Variants in CNTNAP2 observed in about 807,000 individuals in gnomAD.
CNTNAP2 encodes contactin-associated protein-like 2.
Under a neutral mutation model 155.2 loss-of-function variants are expected in CNTNAP2, and 98 were observed. The ratio of observed to expected loss-of-function variants is 0.63; its 90% confidence interval spans 0.54 to 0.75. The LOEUF (loss-of-function observed/expected upper bound fraction) is 0.75, where lower values mean the gene tolerates loss of function less well. Among genes scored for constraint, CNTNAP2 ranks in the 30% least tolerant of loss-of-function variants. The probability of loss-of-function intolerance (pLI) is 0.00; values close to 1 mark genes in which losing one functional copy is unlikely to be tolerated. For synonymous variants in CNTNAP2, 651 were observed against 631.2 expected (o/e 1.03, Z -0.47); for missense variants, 1,727 against 1,688.1 (o/e 1.02, Z -0.40).
At chr7:147,195,907 G>A (rs975760494) in intron 8 of CNTNAP2, among the ~76,000 whole-genome samples, 1 of 152,116 alleles carries the variant, frequency 6.6e-6, no homozygotes, top group Non-Finnish European at 1.5e-5. Context: ...TTATATTAAA[G>A]GGAGCTTGGT....
intron 1 of CNTNAP2, among the ~76,000 whole-genome samples, chr7:146,525,467 A>G (rs1045980509): frequency 6.6e-6 from 1 of 152,150 alleles, no homozygotes; most frequent in African/African-American, 2.4e-5. Flanking sequence ...GTTTGACTAA[A>G]TAAATGTAAT....
intron 1 of CNTNAP2, among the ~76,000 whole-genome samples, chr7:146,659,569 C>T (rs1248211605): frequency 6.6e-6 from 1 of 152,104 alleles, no homozygotes; most frequent in Non-Finnish European, 1.5e-5. Context: ...TAGTTGGCAG[C>T]TAATGTTCCT....
chr7:146,207,637 G>GTTTTTT (rs57881187), intron 1 of CNTNAP2, among the ~76,000 whole-genome samples: 46 of 122,356 alleles, frequency 3.8e-4, no homozygotes, highest in African/African-American at 1.1e-3. Flanking sequence ...ACAGGACTGT[G>GTTTTTT]TTTTTTTTTT....
intron 13 of CNTNAP2, among the ~76,000 whole-genome samples, chr7:147,868,074 A>G (rs1474202914): frequency 6.9e-6 from 1 of 145,348 alleles, no homozygotes; most frequent in Non-Finnish European, 1.5e-5. Context: ...GTTTCTCCCC[A>G]TCTTTGTGGT....
At chr7:146,322,217 G>A (rs1563037657) in intron 1 of CNTNAP2, among the ~76,000 whole-genome samples, 2 of 152,124 alleles carry the variant, frequency 1.3e-5, no homozygotes, top group African/African-American at 4.8e-5. Flanking sequence ...ACATTTTAGA[G>A]CATGTCACTG....
chr7:146,791,129 C>G (rs1454423395), intron 2 of CNTNAP2, among the ~76,000 whole-genome samples: 1 of 151,814 alleles, frequency 6.6e-6, no homozygotes, highest in Non-Finnish European at 1.5e-5. Context: ...TCCGATGTTC[C>G]CCTCCCTGTG....
chr7:147,450,180 CT>C lies in CNTNAP2; in HGVS notation c.1671-35754del, dbSNP rs1484934024. Among the ~76,000 whole-genome samples, 12 of 152,266 alleles carry C rather than the reference CT, an allele frequency of 7.9e-5. No individual in the cohort carries two copies. The South Asian group carries it at 2.5e-3, about 32-fold the overall frequency. ...AAAAGCAAAGAACGTTTTTTTCCCA[CT>C]GGTGGAAGAAGAGAAAGTCATAGAG... is the stretch of plus-strand genomic sequence containing the variant. On this transcript the variant is annotated intron_variant, in intron 10 of 23. Transcript: ENST00000361727.
intron 1 of CNTNAP2, among the ~76,000 whole-genome samples, chr7:146,721,080 TATATACTG>T (rs1376554511): frequency 1.6e-5 from 2 of 121,798 alleles, no homozygotes; most frequent in Non-Finnish European, 3.2e-5. Context: ...ATACTCTATA[TATATACTG>T]TCTATATATA....
At chr7:147,328,318 T>A (rs951523625) in intron 9 of CNTNAP2, among the ~76,000 whole-genome samples, 1 of 152,168 alleles carries the variant, frequency 6.6e-6, no homozygotes, top group Non-Finnish European at 1.5e-5. Context: ...GATACAAATT[T>A]TAACAGTTAA....
At chr7:146,509,071 C>A (rs1008289098) in intron 1 of CNTNAP2, among the ~76,000 whole-genome samples, 3 of 152,204 alleles carry the variant, frequency 2.0e-5, no homozygotes, top group Non-Finnish European at 4.4e-5. Flanking sequence ...GTGCAGAGCA[C>A]AACACAAGGT....
chr7:147,636,710 T>C (rs1364012770), intron 12 of CNTNAP2, among the ~76,000 whole-genome samples: 1 of 152,194 alleles, frequency 6.6e-6, no homozygotes, highest in Non-Finnish European at 1.5e-5. Flanking sequence ...AATTCCTCTT[T>C]CTACTCAACT....
chr7:147,295,978 A>G (rs1405879631), intron 8 of CNTNAP2, among the ~76,000 whole-genome samples: 1 of 152,194 alleles, frequency 6.6e-6, no homozygotes, highest in African/African-American at 2.4e-5. Flanking sequence ...ATCTGATTAG[A>G]ATAATAGACC....
chr7:147,964,299 C>T (rs1382176330), intron 14 of CNTNAP2, among the ~76,000 whole-genome samples: 1 of 152,108 alleles, frequency 6.6e-6, no homozygotes, highest in Non-Finnish European at 1.5e-5. Flanking sequence ...CTAAGCCACC[C>T]GATCCATGGT....
chr7:146,462,506 G>A (rs1796651805), intron 1 of CNTNAP2, among the ~76,000 whole-genome samples: 1 of 152,006 alleles, frequency 6.6e-6, no homozygotes. Flanking sequence ...TTTCCTTTCC[G>A]AGCATCTCAG....
chr7:147,272,538 G>A (rs933736498), intron 8 of CNTNAP2, among the ~76,000 whole-genome samples: 3 of 151,834 alleles, frequency 2.0e-5, no homozygotes, highest in African/African-American at 4.8e-5. Flanking sequence ...CGGCTCTGTC[G>A]CCCAGGCTGG....
intron 1 of CNTNAP2, among the ~76,000 whole-genome samples, chr7:146,281,372 G>T (rs1009129000): frequency 2.6e-5 from 4 of 152,142 alleles, no homozygotes; most frequent in Non-Finnish European, 5.9e-5. Flanking sequence ...GGTAAAGAGG[G>T]TACTTTCCTG....
intron 1 of CNTNAP2, among the ~76,000 whole-genome samples, chr7:146,586,060 A>G (rs1440379766): frequency 6.6e-6 from 1 of 151,962 alleles, no homozygotes; most frequent in Non-Finnish European, 1.5e-5. Flanking sequence ...CAAAATTACA[A>G]GCTGTAATTT....
intron 10 of CNTNAP2, among the ~76,000 whole-genome samples, chr7:147,451,715 C>T (rs1012385449): frequency 6.6e-6 from 1 of 151,492 alleles, no homozygotes; most frequent in Non-Finnish European, 1.5e-5. Flanking sequence ...GGATAAGAAT[C>T]CTTTGTATTC....
intron 15 of CNTNAP2, among the ~76,000 whole-genome samples, chr7:148,109,783 T>G (rs1421851944): frequency 6.6e-6 from 1 of 152,210 alleles, no homozygotes; most frequent in African/African-American, 2.4e-5. Flanking sequence ...TGTCTATGAG[T>G]AAGTGTGCAT....
Sources: allele counts gnomAD v4.1 joint callset (sites outside exome capture counted in the v4.1 genomes callset), GRCh38; gene constraint gnomAD v4.1.1; transcripts MANE v1.5; gene names NCBI Gene and HGNC (gene_info 2026-07-23, HGNC 2026-07-21).